The following ENO3 variants were observed in gnomAD, a reference collection of about 807,000 sequenced individuals.
ENO3 encodes enolase 3, also known as beta-enolase.
Under a neutral mutation model 47.7 loss-of-function variants are expected in ENO3, and 46 were observed. The observed-to-expected ratio is 0.96, with a 90% confidence interval of 0.76 to 1.23. ENO3 has a LOEUF of 1.23. ENO3 is among the 50% of genes most tolerant of loss of function. The probability of loss-of-function intolerance (pLI) is 0.00; values close to 1 mark genes in which losing one functional copy is unlikely to be tolerated. For missense variants in ENO3, 575 were observed against 566.2 expected (o/e 1.02, Z -0.16); for synonymous variants, 223 against 225.9 (o/e 0.99, Z 0.11).
At position 4,955,923 on chromosome 17, in the gene ENO3, C is replaced by G; in HGVS notation, c.866-19C>G. ...TCTCTGCTCTGTCTCTGCCCTGTCT[C>G]TGCTCCAAACCCCACCAGTGGTCTC... is the stretch of plus-strand genomic sequence containing the variant. On this transcript the variant is annotated intron_variant, in intron 8 of 11. Coordinates refer to ENST00000519602, the MANE Select transcript of ENO3 (RefSeq NM_053013.4). 8.1e-6 allele frequency: 13 copies of G among 1,612,142 alleles called. No homozygotes were observed. Among genetic ancestry groups the G allele is most frequent in the Non-Finnish European group, 1.1e-5 (13 of 1,179,502 alleles).
intron 6 of ENO3, among the ~76,000 whole-genome samples, 180 bp from the exon 7 acceptor site, chr17:4,954,895 C>CAA (rs375176343): frequency 6.2e-5 from 4 of 64,642 alleles, no homozygotes; most frequent in Non-Finnish European, 9.5e-5. Context: ...GACTCCGTCT[C>CAA]AAAAAAAAAA....
At chr17:4,956,763 C>T (rs1481194380) in intron 10 of ENO3, 68 bp from the exon 11 acceptor site, 13 of 1,613,850 alleles carry the variant, frequency 8.1e-6, no homozygotes, top group Non-Finnish European at 1.1e-5. Flanking sequence ...TTAATGCTCC[C>T]TTGGGGCCAG....
intron 5 of ENO3, 120 bp downstream of exon 5, chr17:4,953,461 T>C: frequency 6.8e-7 from 1 of 1,461,398 alleles, no homozygotes; most frequent in Non-Finnish European, 9.6e-7. Flanking sequence ...CGCAGCTGGA[T>C]GGATTTGTGT....
chr17:4,951,729 C>T, intron 1 of ENO3, 99 bp from the exon 2 acceptor site: 2 of 1,341,016 alleles, frequency 1.5e-6, no homozygotes, highest in East Asian at 2.3e-5. Flanking sequence ...AGCTCCAGCA[C>T]CTGCCTTCTT....
chr17:4,951,041 A>T, upstream of ENO3: 1 of 985,932 alleles, frequency 1.0e-6, no homozygotes, highest in Non-Finnish European at 1.2e-6. Flanking sequence ...AGGGGGGAGG[A>T]TGGAGAGAAA....
intron 4 of ENO3, 65 bp from the exon 5 acceptor site, chr17:4,953,207 C>A: frequency 3.1e-6 from 5 of 1,612,832 alleles, no homozygotes; most frequent in Non-Finnish European, 4.2e-6. Flanking sequence ...TATCCTTCCC[C>A]TGCATGTGCC....
chr17:4,951,601 GC>G (rs1361011654), intron 1 of ENO3: 7 of 542,508 alleles, frequency 1.3e-5, no homozygotes, highest in Non-Finnish European at 2.3e-5. Flanking sequence ...CATCCCAGGA[GC>G]TATAGATAAG....
At chr17:4,950,557 A>C (rs1971510828), upstream of ENO3, 1 of 985,216 alleles carries the variant, frequency 1.0e-6, no homozygotes. Flanking sequence ...CCCCTAACTC[A>C]TCCCGGCGCT....
Position 4,952,808 on chromosome 17 carries a change from A to T in ENO3, c.99A>T (p.Ala33=). 4 of 1,610,846 alleles carry T rather than the reference A, an allele frequency of 2.5e-6. No individual in the cohort carries two copies. Among genetic ancestry groups the T allele is most frequent in the Non-Finnish European group, 3.4e-6 (4 of 1,178,296 alleles). The change falls in exon 3 of 12, where the codon GCA becomes GCT. Residue 33 remains alanine, a synonymous_variant. Coordinates refer to ENST00000519602, the MANE Select transcript of ENO3 (RefSeq NM_053013.4). ...CTCCTGTCCCAGGCCGATTCCGAGC[A>T]GCTGTGCCCAGTGGGGCTTCCACGG... ...DLHTAKGRFR[A]AVPSGASTGI...
chr17:4,950,201 T>G (rs1195414328), upstream of ENO3: 2 of 152,124 alleles, frequency 1.3e-5, no homozygotes, highest in Non-Finnish European at 2.9e-5. Context: ...CTGGTATGGC[T>G]GCAGAGGAGC....
At chr17:4,955,746 CCT>C (rs1971704291) in intron 8 of ENO3, 142 bp downstream of exon 8, 11 of 1,357,114 alleles carry the variant, frequency 8.1e-6, no homozygotes, top group East Asian at 4.7e-5. Flanking sequence ...GCTCTTCTGC[CCT>C]GTCACCCCTC....
At chr17:4,951,955 C>A in intron 2 of ENO3, 41 bp downstream of exon 2, 2 of 1,607,636 alleles carry the variant, frequency 1.2e-6, no homozygotes, top group Non-Finnish European at 1.7e-6. Context: ...TCCGAAGACC[C>A]CAACCCTTTG....
In ENO3 at chr17:4,953,293, G is replaced by T. The variant is rs753114346; in HGVS notation, c.262G>T (p.Glu88Ter). Residue 88 changes from glutamate to a stop codon, truncating the protein, a stop_gained, in exon 5 of 12, where the codon GAA becomes TAA. Coordinates refer to ENST00000519602, the MANE Select transcript of ENO3 (RefSeq NM_053013.4). LOFTEE classifies it high-confidence loss of function. ...LQKKLSVVDQEKVDKFMIELD... is the reference protein window; with the variant it reads ...LQKKLSVVDQ ...CCAGAAACTAAGCGTTGTGGATCAA[G>T]AAAAAGTTGACAAATTTATGATTGA... 1.4e-5 allele frequency: 22 copies of T among 1,614,096 alleles called. No individual in the cohort carries two copies. Among genetic ancestry groups the T allele is most frequent in the African/African-American group, 9.3e-5 (7 of 74,932 alleles).
In ENO3 at chr17:4,953,281, G is replaced by T. The variant is rs570595152; in HGVS notation, c.250G>T (p.Val84Phe). ...GPALLQKKLS[V>F]VDQEKVDKFM... The stretch of plus-strand genomic sequence containing the variant: ...AAACTCACCCTTCCAGAAACTAAGC[G>T]TTGTGGATCAAGAAAAAGTTGACAA... Residue 84 changes from valine to phenylalanine, a missense_variant, in exon 5 of 12, where the codon GTT (valine) becomes TTT (phenylalanine). Coordinates refer to ENST00000519602, the MANE Select transcript of ENO3 (RefSeq NM_053013.4). The T allele has an allele frequency of 6.2e-7, 1 of 1,614,064 alleles. No individual in the cohort carries two copies. The highest frequency in any genetic ancestry group is 1.3e-5 in the African/African-American group (1 of 74,922).
chr17:4,956,220 C>A, intron 9 of ENO3, 77 bp downstream of exon 9: 1 of 1,526,558 alleles, frequency 6.6e-7, no homozygotes, highest in Non-Finnish European at 9.0e-7. Flanking sequence ...ACAGTCTTAC[C>A]CACCAACTCC....
chr17:4,950,584 G>T, upstream of ENO3: 1 of 985,546 alleles, frequency 1.0e-6, no homozygotes, highest in Non-Finnish European at 1.2e-6. Context: ...CCTGGAGAGG[G>T]TAGGATGGGG....
chr17:4,952,276 A>T (rs1971562839), intron 2 of ENO3: 26 of 367,452 alleles, frequency 7.1e-5, no homozygotes, highest in South Asian at 5.3e-4. Context: ...TCCCGGGTTT[A>T]AGTGATTCTT....
At chr17:4,949,077 A>G (rs1323517244), upstream of ENO3, 1 of 151,922 alleles carries the variant, frequency 6.6e-6, no homozygotes, top group African/African-American at 2.4e-5. Context: ...ACCCGTGTGG[A>G]CCCTGCGGGA....
In ENO3 at chr17:4,951,903, A is replaced by T; in HGVS notation, c.74A>T (p.His25Leu). The change falls in exon 2 of 12, where the codon CAC (histidine) becomes CTC (leucine). Residue 25 changes from histidine (H) to leucine (L), a missense_variant. Physicochemically the swap from His to Leu is moderately conservative, Grantham distance 99 (BLOSUM62 -3). Transcript: ENST00000519602. The part of the protein sequence containing the change: ...RGNPTVEVDL[H>L]TAKGRFRAAV... The stretch of plus-strand genomic sequence containing the variant: ...AACCCCACGGTGGAGGTGGACCTGC[A>T]CACGGCCAAGGGTAACACAAGGCCC... 1 of 1,614,142 alleles carries T rather than the reference A, an allele frequency of 6.2e-7. No individual in the cohort carries two copies. Among genetic ancestry groups the T allele is most frequent in the Admixed American group, 1.7e-5 (1 of 60,034 alleles).
Sources: allele counts gnomAD v4.1 joint callset (sites outside exome capture counted in the v4.1 genomes callset), GRCh38; gene constraint gnomAD v4.1.1; transcripts MANE v1.5; gene names NCBI Gene and HGNC (gene_info 2026-07-23, HGNC 2026-07-21).